The following AGBL4 variants were observed in gnomAD, a reference collection of about 807,000 sequenced individuals.
AGBL4 encodes AGBL carboxypeptidase 4.
A neutral mutation model predicts 66.4 loss-of-function variants in AGBL4; 58 were observed. The observed-to-expected ratio is 0.87, with a 90% CI of 0.71 to 1.09. The LOEUF (loss-of-function observed/expected upper bound fraction) is 1.09. Ranked by LOEUF, AGBL4 falls within the 50% of genes least tolerant of loss-of-function variation. The probability of loss-of-function intolerance (pLI) is 0.00; values close to 1 mark genes in which losing one functional copy is unlikely to be tolerated. For synonymous variants in AGBL4, 234 were observed against 222.9 expected (o/e 1.05, Z -0.44); for missense variants, 579 against 631.0 (o/e 0.92, Z 0.88).
chr1:48,984,728 G>T (rs972700301), intron 5 of AGBL4, among the ~76,000 whole-genome samples: 7 of 151,778 alleles, frequency 4.6e-5, no homozygotes, highest in Admixed American at 2.0e-4. Context: ...CTGCTAGGGA[G>T]ATGCAAGGCT....
intron 9 of AGBL4, among the ~76,000 whole-genome samples, chr1:48,603,156 A>C (rs1645099340): frequency 6.6e-6 from 1 of 152,218 alleles, no homozygotes; most frequent in Admixed American, 6.5e-5. Context: ...CCCAAGCCTA[A>C]AACCACTAGC....
intron 3 of AGBL4, among the ~76,000 whole-genome samples, chr1:49,258,469 A>T (rs1477340498): frequency 6.6e-6 from 1 of 152,204 alleles, no homozygotes; most frequent in South Asian, 2.1e-4. Context: ...AAAGGAGCTG[A>T]TGGAGCTGAA....
chr1:48,813,250 C>T lies in AGBL4; in HGVS notation c.634+53941G>A, dbSNP rs183952974. Among the ~76,000 whole-genome samples, 491 of 152,132 alleles carry T rather than the reference C, an allele frequency of 3.2e-3. 3 individuals carry two copies. The highest frequency in any genetic ancestry group is 0.011 in the African/African-American group (436 of 41,490). On this transcript the variant is annotated intron_variant, in intron 6 of 13. Coordinates refer to ENST00000371839, the MANE Select transcript of AGBL4 (RefSeq NM_032785.4). ...AGTGGATTAGGAAGTTTCTAAAAGA[C>T]GGTAATGTCTGCTGAGAGACATGAA... is the stretch of plus-strand genomic sequence containing the variant.
intron 4 of AGBL4, among the ~76,000 whole-genome samples, chr1:49,190,213 CAA>C (rs1046880171): frequency 6.6e-6 from 1 of 152,172 alleles, no homozygotes; most frequent in Non-Finnish European, 1.5e-5. Flanking sequence ...AAGCCGCACA[CAA>C]AGTTTCTAAG....
In AGBL4 at chr1:50,002,719, T is replaced by C. The variant is rs570098904; in HGVS notation, c.34+21044A>G. ...AGAGAACTTCAACAGAGGAATTAAC[T>C]GTGGAGGACTGGTGTGTAAGAGACA... On this transcript the variant is annotated intron_variant, in intron 1 of 13. Transcript: ENST00000371839. Among the ~76,000 whole-genome samples the C allele has an allele frequency of 2.0e-3, 298 of 152,252 alleles. 10 individuals are homozygous for C. The South Asian group carries it at 0.061, about 31-fold the overall frequency.
chr1:48,662,802 C>A (rs1380862803), intron 7 of AGBL4, among the ~76,000 whole-genome samples: 1 of 152,138 alleles, frequency 6.6e-6, no homozygotes. Flanking sequence ...TGACCTGGGG[C>A]CAGATTTCTT....
intron 5 of AGBL4, among the ~76,000 whole-genome samples, chr1:48,942,016 C>T (rs1163971033): frequency 1.3e-5 from 2 of 152,174 alleles, no homozygotes; most frequent in Non-Finnish European, 2.9e-5. Flanking sequence ...CCTCTGGAGA[C>T]AAGCAAATGA....
intron 9 of AGBL4, among the ~76,000 whole-genome samples, chr1:48,618,524 C>T (rs563665667): frequency 6.6e-6 from 1 of 152,122 alleles, no homozygotes; most frequent in Non-Finnish European, 1.5e-5. Flanking sequence ...GTTTGGAGCA[C>T]CTCTTTAGTT....
chr1:49,222,020 G>A (rs563728614), intron 4 of AGBL4, among the ~76,000 whole-genome samples: 1 of 152,044 alleles, frequency 6.6e-6, no homozygotes, highest in South Asian at 2.1e-4. Context: ...TCCTAATTAG[G>A]GCCTGTCTGA....
intron 2 of AGBL4, among the ~76,000 whole-genome samples, chr1:49,823,813 T>C (rs200979993): frequency 6.6e-6 from 1 of 151,236 alleles, no homozygotes; most frequent in African/African-American, 2.4e-5. Flanking sequence ...TGTGTGTACA[T>C]ACACACACAG....
chr1:49,449,230 G>C (rs148831459), intron 3 of AGBL4, among the ~76,000 whole-genome samples: 34 of 151,990 alleles, frequency 2.2e-4, no homozygotes, highest in Middle Eastern at 6.8e-3. Flanking sequence ...TTTAAACCTG[G>C]TACTACTTGA....
intron 3 of AGBL4, among the ~76,000 whole-genome samples, chr1:49,604,540 A>T (rs973766304): frequency 3.3e-5 from 5 of 152,126 alleles, no homozygotes; most frequent in African/African-American, 1.2e-4. Flanking sequence ...TACTTTGATG[A>T]CTATTTATTT....
chr1:49,067,726 C>CT (rs893155787), intron 4 of AGBL4, among the ~76,000 whole-genome samples: 24 of 152,066 alleles, frequency 1.6e-4, no homozygotes, highest in African/African-American at 3.6e-4. Flanking sequence ...GCATAAGCTT[C>CT]TTTTTTTTCC....
chr1:49,516,571 T>C (rs1225240696), intron 3 of AGBL4, among the ~76,000 whole-genome samples: 1 of 152,018 alleles, frequency 6.6e-6, no homozygotes, highest in Admixed American at 6.6e-5. Flanking sequence ...CAGGGACAGA[T>C]ACTGAAGGCT....
At chr1:49,685,665 A>G (rs533583763) in intron 3 of AGBL4, among the ~76,000 whole-genome samples, 2 of 152,048 alleles carry the variant, frequency 1.3e-5, no homozygotes, top group Non-Finnish European at 2.9e-5. Flanking sequence ...GATGTTGAGC[A>G]TTTTTTCATA....
intron 3 of AGBL4, among the ~76,000 whole-genome samples, chr1:49,265,977 A>G (rs1643911415): frequency 6.6e-6 from 1 of 152,156 alleles, no homozygotes; most frequent in Admixed American, 6.5e-5. Context: ...ATGCTGAACA[A>G]TCCTGGGCCT....
At chr1:48,644,198 A>G (rs1326319347) in intron 8 of AGBL4, among the ~76,000 whole-genome samples, 3 of 152,090 alleles carry the variant, frequency 2.0e-5, no homozygotes, top group African/African-American at 4.8e-5. Flanking sequence ...GTATTATTAT[A>G]TTACTGTGTT....
At chr1:49,119,682 G>A (rs1645610389) in intron 4 of AGBL4, among the ~76,000 whole-genome samples, 1 of 152,160 alleles carries the variant, frequency 6.6e-6, no homozygotes, top group Non-Finnish European at 1.5e-5. Flanking sequence ...CTGTTGATTT[G>A]GGGTGGAGAG....
chr1:49,372,471 T>C (rs527286718), intron 3 of AGBL4, among the ~76,000 whole-genome samples: 36 of 152,294 alleles, frequency 2.4e-4, no homozygotes, highest in African/African-American at 8.7e-4. Context: ...CCTCCAATCT[T>C]GGGAACTTTG....
Sources: gnomAD v4.1 joint callset for allele counts (sites outside exome capture counted in the v4.1 genomes callset) on GRCh38, gnomAD v4.1.1 for gene constraint, MANE v1.5 for transcripts, NCBI Gene and HGNC (gene_info 2026-07-23, HGNC 2026-07-21) for gene names.